ZNF746: variants seen among roughly 807,000 people sequenced by gnomAD.
ZNF746 encodes zinc finger protein 746, also known as parkin-interacting substrate.
ZNF746 carries 13 observed loss-of-function variants against 41.0 expected under a neutral mutation model. The ratio of observed to expected loss-of-function variants is 0.32; its 90% CI spans 0.21 to 0.50. ZNF746 has a LOEUF of 0.50. Ranked by LOEUF, ZNF746 falls within the 20% of genes least tolerant of loss-of-function variation. ZNF746 has a pLI of 0.98. For missense variants in ZNF746, 811 were observed against 922.9 expected (o/e 0.88, Z 1.57); for synonymous variants, 424 against 396.2 (o/e 1.07, Z -0.83).
chr7:149,482,052 A>C (rs1800499821), intron 4 of ZNF746, among the ~76,000 whole-genome samples: 1 of 152,260 alleles, frequency 6.6e-6, no homozygotes, highest in Non-Finnish European at 1.5e-5. Flanking sequence ...ACGTATAATC[A>C]ATATAAAATG....
At chr7:149,480,172 A>G (rs1055878511) in intron 4 of ZNF746, among the ~76,000 whole-genome samples, 4 of 152,186 alleles carry the variant, frequency 2.6e-5, no homozygotes, top group African/African-American at 4.8e-5. Context: ...CAAATAATCA[A>G]TGAGCTCACA....
At position 149,475,080 on chromosome 7, in the gene ZNF746, G is replaced by T. The variant is rs1468303028; in HGVS notation, c.1287C>A (p.Asp429Glu). The change falls in exon 7 of 7, where the codon GAC becomes GAA. Residue 429 changes from aspartate to glutamate, a missense_variant. By Grantham distance (45) the Asp-to-Glu change is conservative. Around this residue, in one of 4 missense-constraint regions of ZNF746, gnomAD observed 495 missense variants for 481.6 expected, o/e 1.03. Transcript: ENST00000458143. ...SSPDNGEAIL[D>E]PSQAPRPFNE... The stretch of plus-strand genomic sequence containing the variant: ...TGAATGGCCTTGGGGCCTGGCTGGG[G>T]TCCAAGATGGCCTCTCCGTTGTCCG... 6 of 1,599,018 alleles carry T rather than the reference G, an allele frequency of 3.8e-6. No individual in the cohort carries two copies. The highest frequency in any genetic ancestry group is 5.1e-6 in the Non-Finnish European group (6 of 1,173,604).
intron 5 of ZNF746, 115 bp downstream of exon 5, chr7:149,477,449 T>C (rs1285132838): frequency 8.0e-7 from 1 of 1,254,188 alleles, no homozygotes; most frequent in South Asian, 1.4e-5. Flanking sequence ...ATTTCTAAAG[T>C]TGTCAGGCCG....
chr7:149,491,809 G>A lies in ZNF746; in HGVS notation c.565+1050C>T, dbSNP rs544350459. 52 of 694,214 alleles carry A rather than the reference G, an allele frequency of 7.5e-5. 1 individual carries two copies. Among genetic ancestry groups the A allele is most frequent in the African/African-American group, 1.9e-4 (11 of 57,082 alleles). The allele number at this position is 694,214 out of a possible 1,614,324, so 43.0% of individuals were successfully genotyped here. On this transcript the variant is annotated intron_variant, in intron 4 of 6. Coordinates refer to ENST00000458143, the MANE Select transcript of ZNF746 (RefSeq NM_001394198.1). Reference sequence around the variant, plus strand: ...GGGTCTTCTGGAGGAATCAGGGGTCGAGCCTTGCAGAGATGTGGTCTCCCT... The same window carrying A: ...GGGTCTTCTGGAGGAATCAGGGGTCAAGCCTTGCAGAGATGTGGTCTCCCT...
rs542822119 is a variant in ZNF746 at position 149,494,809 on chromosome 7, G to C, written c.25-306C>G. ...CTGTGGGCTCCCTGAACATGGTATT[G>C]CATCTTTTCATACCACTGTCCTTGA... is the stretch of plus-strand genomic sequence containing the variant. On this transcript the variant is annotated intron_variant, in intron 1 of 6. Coordinates refer to ENST00000458143, the MANE Select transcript of ZNF746 (RefSeq NM_001394198.1). The surrounding 1 kb of genome is among the most constrained non-coding windows in gnomAD (Gnocchi z 5.6). Among the ~76,000 whole-genome samples, 1 of 152,078 alleles carries C rather than the reference G, an allele frequency of 6.6e-6. No individual in the cohort carries two copies. The highest frequency in any genetic ancestry group is 2.4e-5 in the African/African-American group (1 of 41,508).
rs555569119 is a variant in ZNF746, at chr7:149,474,753, G to A, written c.1614C>T (p.Pro538=). 28 of 1,597,412 alleles carry A rather than the reference G, an allele frequency of 1.8e-5. No homozygotes were observed. In the East Asian group the frequency reaches 1.8e-4, roughly 10 times the overall value. ...CGECGRCFTR[P]AHLIRHRMLH... ...GCATGCGATGGCGGATGAGGTGCGCGGGGCGCGTGAAGCAACGGCCGCACT... is the reference window on the plus strand; with the variant it reads ...GCATGCGATGGCGGATGAGGTGCGCAGGGCGCGTGAAGCAACGGCCGCACT... Residue 538 remains proline, a synonymous_variant, in exon 7 of 7, where the codon CCC becomes CCT. Transcript: ENST00000458143. This position sits in a 1 kb window ranked among gnomAD's most constrained non-coding sequence, Gnocchi z 6.3.
rs1301278914 is a variant in ZNF746 at position 149,473,468 on chromosome 7, A to C, written c.*916T>G. The C allele has an allele frequency of 6.6e-6, 1 of 152,276 alleles. No homozygotes were observed. The highest frequency in any genetic ancestry group is 1.5e-5 in the Non-Finnish European group (1 of 68,080). 9.4% of individuals were successfully genotyped at this position (152,276 alleles called of 1,614,324 possible). On this transcript the variant is annotated 3_prime_UTR_variant, in exon 7 of 7. Coordinates refer to ENST00000458143, the MANE Select transcript of ZNF746 (RefSeq NM_001394198.1). Reference sequence around the variant, plus strand: ...TTCCCAAGGTCACAGTAATGATCAAATGAGATGCATTTTGAAAATAAGAAA... The same window carrying C: ...TTCCCAAGGTCACAGTAATGATCAACTGAGATGCATTTTGAAAATAAGAAA...
intron 4 of ZNF746, among the ~76,000 whole-genome samples, chr7:149,483,150 A>T (rs1800529274): frequency 6.6e-6 from 1 of 152,238 alleles, no homozygotes; most frequent in Admixed American, 6.5e-5. Flanking sequence ...CTAAAATTTT[A>T]AAATATACCG....
At chr7:149,476,099 G>C (rs1253190625) in intron 6 of ZNF746, among the ~76,000 whole-genome samples, 1 of 152,130 alleles carries the variant, frequency 6.6e-6, no homozygotes, top group Non-Finnish European at 1.5e-5. Flanking sequence ...GGGATCATGA[G>C]GTCAGGAGAT....
chr7:149,475,575 C>T (rs909639252), intron 6 of ZNF746, 92 bp from the exon 7 acceptor site: 5 of 1,519,156 alleles, frequency 3.3e-6, no homozygotes, highest in Non-Finnish European at 3.5e-6. Flanking sequence ...AGCTGCCTGG[C>T]CAGACAAACT....
At chr7:149,483,211 G>GT (rs1800530450) in intron 4 of ZNF746, among the ~76,000 whole-genome samples, 1 of 152,036 alleles carries the variant, frequency 6.6e-6, no homozygotes, top group African/African-American at 2.4e-5. Context: ...AAATTAGAAG[G>GT]TATCTGGAAC....
chr7:149,496,842 T>A (rs59347948), intron 1 of ZNF746: 242,467 of 985,224 alleles, frequency 0.25, 30,378 homozygotes, highest in Middle Eastern at 0.32. Flanking sequence ...CCCGCGTACC[T>A]GCCTGCCTGG....
intron 4 of ZNF746, among the ~76,000 whole-genome samples, chr7:149,482,343 T>C (rs1173814498): frequency 6.6e-6 from 1 of 152,078 alleles, no homozygotes; most frequent in Non-Finnish European, 1.5e-5. Flanking sequence ...GCCAGAACAA[T>C]GTAAAGAAAT....
intron 4 of ZNF746, chr7:149,488,122 A>C (rs1244964847): frequency 6.6e-6 from 1 of 152,200 alleles, no homozygotes; most frequent in African/African-American, 2.4e-5. Flanking sequence ...CTCAGGACAG[A>C]ATCGCATCAC....
chr7:149,496,762 C>T lies in ZNF746; in HGVS notation c.24+751G>A, dbSNP rs1347864443. The T allele has an allele frequency of 1.0e-5, 10 of 956,424 alleles. No individual in the cohort carries two copies. In the South Asian group the frequency reaches 2.4e-4, roughly 23 times the overall value. The allele number at this position is 956,424 out of a possible 1,614,324, so 59.2% of individuals were successfully genotyped here. A position where few individuals can be genotyped will look rare whatever the true frequency, so the allele number is the denominator to read the frequency against. The stretch of plus-strand genomic sequence containing the variant: ...ACCAAGAGGCCCCCTGACACTCCTT[C>T]CCCCGGAGCCCACCGCAAGCTTCCA... On this transcript the variant is annotated intron_variant, in intron 1 of 6. Transcript: ENST00000458143.
chr7:149,492,173 T>C (rs772290472), intron 4 of ZNF746, among the ~76,000 whole-genome samples: 2 of 152,198 alleles, frequency 1.3e-5, no homozygotes, highest in Non-Finnish European at 2.9e-5. Context: ...GGCCCACTTA[T>C]AAATGGATTT....
Position 149,475,069 on chromosome 7 carries a change from G to A in ZNF746, c.1298C>T (p.Ala433Val). The change falls in exon 7 of 7, where the codon GCC (alanine) becomes GTC (valine). Residue 433 changes from alanine (A) to valine (V), a missense_variant. Ala to Val is a moderately conservative substitution (Grantham distance 64). Around this residue, in one of 4 missense-constraint regions of ZNF746, gnomAD observed 495 missense variants for 481.6 expected, o/e 1.03. Transcript: ENST00000458143. ...NGEAILDPSQ[A>V]PRPFNEPCKY... Reference sequence around the variant, plus strand: ...ACAGGGTTCGTTGAATGGCCTTGGGGCCTGGCTGGGGTCCAAGATGGCCTC... The same window carrying A: ...ACAGGGTTCGTTGAATGGCCTTGGGACCTGGCTGGGGTCCAAGATGGCCTC... 6.3e-7 allele frequency: 1 copy of A among 1,592,202 alleles called. No individual in the cohort carries two copies. Among genetic ancestry groups the A allele is most frequent in the South Asian group, 1.1e-5 (1 of 88,224 alleles).
In ZNF746 at chr7:149,497,238, G is replaced by C; in HGVS notation, c.24+275C>G. 1 of 982,710 alleles carries C rather than the reference G, an allele frequency of 1.0e-6. No homozygotes were observed. Among genetic ancestry groups the C allele is most frequent in the African/African-American group, 1.7e-5 (1 of 57,282 alleles). 60.9% of individuals were successfully genotyped at this position (982,710 alleles called of 1,614,324 possible). ...GGAGGGGACAGCGGCTGGGGCGGGG[G>C]CAGGAAGCCCCGGAGGGCCCAAAGA... is the stretch of plus-strand genomic sequence containing the variant. On this transcript the variant is annotated intron_variant, in intron 1 of 6. Coordinates refer to ENST00000458143, the MANE Select transcript of ZNF746 (RefSeq NM_001394198.1). This position sits in a 1 kb window ranked among gnomAD's most constrained non-coding sequence, Gnocchi z 4.2.
At position 149,477,682 on chromosome 7, in the gene ZNF746, C is replaced by T; in HGVS notation, c.639G>A (p.Glu213=). The change falls in exon 5 of 7, where the codon GAG becomes GAA. Residue 213 remains glutamate (E), a synonymous_variant. Coordinates refer to ENST00000458143, the MANE Select transcript of ZNF746 (RefSeq NM_001394198.1). ...IKQEGELQLQ[E]QQALGVEAWA... ...ACGCCTCCACGCCCAGGGCCTGCTG[C>T]TCCTGGAGCTGGAGCTCACCCTCCT... 6.2e-7 allele frequency: 1 copy of T among 1,614,000 alleles called. No individual in the cohort carries two copies. Among genetic ancestry groups the T allele is most frequent in the Non-Finnish European group, 8.5e-7 (1 of 1,179,940 alleles).
Sources: gnomAD v4.1 joint callset for allele counts (sites outside exome capture counted in the v4.1 genomes callset) on GRCh38, gnomAD v4.1.1 for gene constraint, gnomAD v4.1.1 regional missense constraint, Gnocchi (gnomAD v3.1) non-coding constraint, MANE v1.5 for transcripts, NCBI Gene and HGNC (gene_info 2026-07-23, HGNC 2026-07-21) for gene names.